The following IL1RAPL1 variants were observed in gnomAD, a reference collection of about 807,000 sequenced individuals.
IL1RAPL1 encodes the protein interleukin-1 receptor accessory protein-like 1.
Under a neutral mutation model 48.4 loss-of-function variants are expected in IL1RAPL1, and 3 were observed. The ratio of observed to expected loss-of-function variants is 0.06; its 90% CI spans 0.03 to 0.16. The LOEUF is 0.16. IL1RAPL1 is among the 10% of genes least tolerant of loss of function. The pLI is 1.00. For missense variants in IL1RAPL1, 349 were observed against 530.6 expected (o/e 0.66, Z 3.36); for synonymous variants, 185 against 187.7 (o/e 0.99, Z 0.12).
At chrX:29,552,802 C>CTTTTTTTTTTTTTTTTT (rs765234944) in intron 5 of IL1RAPL1, among the ~76,000 whole-genome samples, 22 of 23,007 alleles carry the variant, frequency 9.6e-4, no homozygotes, top group East Asian at 6.5e-3. Flanking sequence ...TTTCACTCTC[C>CTTTTTTTTTTTTTTTTT]TTTTTTTTTT....
At chrX:29,944,365 G>T (rs920244133) in intron 9 of IL1RAPL1, among the ~76,000 whole-genome samples, 3 of 111,206 alleles carry the variant, frequency 2.7e-5, no homozygotes, top group African/African-American at 9.9e-5. Flanking sequence ...CGTATCTCCC[G>T]CTGCATCACA....
intron 2 of IL1RAPL1, among the ~76,000 whole-genome samples, chrX:28,793,890 A>G (rs1202576621): frequency 9.0e-6 from 1 of 110,912 alleles, no homozygotes; most frequent in African/African-American, 3.3e-5. Flanking sequence ...TGATTAATGT[A>G]TGCTTATAAT....
intron 3 of IL1RAPL1, among the ~76,000 whole-genome samples, chrX:29,339,764 CTCATCCAGATA>C: frequency 8.9e-6 from 1 of 112,105 alleles, no homozygotes; most frequent in South Asian, 3.7e-4. Flanking sequence ...GTTCCAGGAT[CTCATCCAGATA>C]ATCACATTAC....
chrX:29,904,473 GT>G (rs1932567380), intron 6 of IL1RAPL1, among the ~76,000 whole-genome samples: 1 of 110,729 alleles, frequency 9.0e-6, no homozygotes, highest in Non-Finnish European at 1.9e-5. Context: ...CGTCATCTAG[GT>G]TTTAAGCCCC....
chrX:28,907,240 G>A lies in IL1RAPL1; in HGVS notation c.82+117815G>A, dbSNP rs763223291. On this transcript the variant is annotated intron_variant, in intron 2 of 10. Transcript: ENST00000378993. ...GTTGTAGCGGATTGCATTAATTGAT[G>A]TTTTATTATTTTTATTTTTATTAGT... Among the ~76,000 whole-genome samples, 8 of 111,313 alleles carry A rather than the reference G, an allele frequency of 7.2e-5. No individual in the cohort carries two copies. The South Asian group carries it at 1.9e-3, about 26-fold the overall frequency.
intron 6 of IL1RAPL1, among the ~76,000 whole-genome samples, chrX:29,856,087 A>T (rs1931472527): frequency 8.9e-6 from 1 of 112,077 alleles, no homozygotes; most frequent in Non-Finnish European, 1.9e-5. Context: ...ATAGTTTAGG[A>T]GATTCACCTA....
chrX:29,642,952 A>G (rs1306245309), intron 5 of IL1RAPL1, among the ~76,000 whole-genome samples: 1 of 112,206 alleles, frequency 8.9e-6, no homozygotes, highest in Non-Finnish European at 1.9e-5. Context: ...ATGAAAAATA[A>G]GCACAATTCA....
chrX:29,508,051 A>C (rs1390182729), intron 5 of IL1RAPL1, among the ~76,000 whole-genome samples: 1 of 111,549 alleles, frequency 9.0e-6, no homozygotes, highest in East Asian at 2.8e-4. Context: ...GACAGATAAC[A>C]ATTTTGGTGG....
chrX:29,932,507 T>C (rs1420075064), intron 8 of IL1RAPL1, among the ~76,000 whole-genome samples: 1 of 112,022 alleles, frequency 8.9e-6, no homozygotes, highest in Non-Finnish European at 1.9e-5. Flanking sequence ...TGAGTTTGCC[T>C]ACCTTCACCT....
intron 2 of IL1RAPL1, among the ~76,000 whole-genome samples, chrX:29,190,375 C>T (rs1367611498): frequency 1.8e-5 from 2 of 111,719 alleles, no homozygotes; most frequent in African/African-American, 6.5e-5. Flanking sequence ...CTCTCCAAAT[C>T]GATTTCAGTA....
intron 5 of IL1RAPL1, among the ~76,000 whole-genome samples, chrX:29,545,325 G>A (rs773888737): frequency 2.5e-4 from 28 of 110,913 alleles, no homozygotes; most frequent in African/African-American, 7.9e-4. Context: ...ACTGCCTCCA[G>A]TGTATAGTTT....
At chrX:28,698,798 T>G (rs1227820609) in intron 1 of IL1RAPL1, among the ~76,000 whole-genome samples, 1 of 111,537 alleles carries the variant, frequency 9.0e-6, no homozygotes, top group African/African-American at 3.2e-5. Context: ...TGACCATTCG[T>G]GGTCATCTTA....
chrX:28,706,024 T>C (rs961190840), intron 1 of IL1RAPL1, among the ~76,000 whole-genome samples: 5 of 112,119 alleles, frequency 4.5e-5, no homozygotes, highest in Non-Finnish European at 9.4e-5. Context: ...TTTATATTGC[T>C]ACCAGCAAGG....
chrX:28,762,823 C>CACACACAGAGAGAG (rs1268556014), intron 1 of IL1RAPL1, among the ~76,000 whole-genome samples: 1 of 36,788 alleles, frequency 2.7e-5, no homozygotes, highest in African/African-American at 7.6e-5. Context: ...CACACACACA[C>CACACACAGAGAGAG]AGAGAGAGAG....
intron 2 of IL1RAPL1, among the ~76,000 whole-genome samples, chrX:29,189,033 T>C (rs747349627): frequency 4.6e-4 from 52 of 112,493 alleles, no homozygotes; most frequent in Non-Finnish European, 8.6e-4. Flanking sequence ...TGTGTTGTTT[T>C]TGTTTTTTGT....
At chrX:29,579,244 A>T (rs1464376780) in intron 5 of IL1RAPL1, among the ~76,000 whole-genome samples, 2 of 112,156 alleles carry the variant, frequency 1.8e-5, no homozygotes, top group Non-Finnish European at 3.8e-5. Flanking sequence ...TCAAAGCGTT[A>T]TGGCCATTTT....
At chrX:28,750,961 G>C (rs1179088760) in intron 1 of IL1RAPL1, among the ~76,000 whole-genome samples, 1 of 111,955 alleles carries the variant, frequency 8.9e-6, no homozygotes, top group Non-Finnish European at 1.9e-5. Context: ...GGATAATTTA[G>C]AAGCAACTCT....
rs188586899 is a variant in IL1RAPL1, at chrX:29,215,256, T to C, written c.83-67682T>C. On this transcript the variant is annotated intron_variant, in intron 2 of 10. Coordinates refer to ENST00000378993, the MANE Select transcript of IL1RAPL1 (RefSeq NM_014271.4). The stretch of plus-strand genomic sequence containing the variant: ...TACTTGGGAGGCTGAGGCAGGAGAA[T>C]TGCTTGAACCTGGGAGGCGGAGGTT... 2.7e-3 allele frequency among the ~76,000 whole-genome samples: 297 copies of C among 109,842 alleles called. 1 individual carries two copies. Among genetic ancestry groups the C allele is most frequent in the African/African-American group, 9.5e-3 (287 of 30,107 alleles).
chrX:28,620,753 A>G (rs1934275494), intron 1 of IL1RAPL1, among the ~76,000 whole-genome samples: 1 of 112,209 alleles, frequency 8.9e-6, no homozygotes, highest in Non-Finnish European at 1.9e-5. Context: ...AGAGGAAAAG[A>G]AAAACAAATT....
Sources: gnomAD v4.1 joint callset for allele counts (sites outside exome capture counted in the v4.1 genomes callset) on GRCh38, gnomAD v4.1.1 for gene constraint, MANE v1.5 for transcripts, NCBI Gene and HGNC (gene_info 2026-07-23, HGNC 2026-07-21) for gene names.